The following TMEM131 variants were observed in gnomAD, a reference collection of about 807,000 sequenced individuals.
TMEM131 encodes transmembrane protein 131, also known as 2610524E03Rik.
In TMEM131, 66 loss-of-function variants were observed where a neutral mutation model predicts 211.6. That is an observed-to-expected ratio of 0.31 (90% CI 0.26 to 0.38). TMEM131 has a LOEUF of 0.38. TMEM131 is among the 10% of genes least tolerant of loss of function. TMEM131 has a pLI of 1.00. For missense variants in TMEM131, 2,036 were observed against 2,299.3 expected (o/e 0.89, Z 2.34); for synonymous variants, 844 against 841.3 (o/e 1.00, Z -0.06).
Position 97,805,402 on chromosome 2 carries a change from T to A in TMEM131, c.2258A>T (p.Tyr753Phe). Reference protein sequence around the residue: ...DPGLQCGDHCYVGLPFLSKSE... With the variant: ...DPGLQCGDHCFVGLPFLSKSE... The stretch of plus-strand genomic sequence containing the variant: ...TTTGGATAGAAAAGGCAAGCCAACA[T>A]AGCAATGATCCCCACACTGTAGTCC... The change falls in exon 21 of 41, where the codon TAT becomes TTT. Residue 753 changes from tyrosine (Y) to phenylalanine (F), a missense_variant. Coordinates refer to ENST00000186436, the MANE Select transcript of TMEM131 (RefSeq NM_015348.2). 6.2e-7 allele frequency: 1 copy of A among 1,613,766 alleles called. No individual in the cohort carries two copies. Among genetic ancestry groups the A allele is most frequent in the Non-Finnish European group, 8.5e-7 (1 of 1,179,776 alleles).
intron 1 of TMEM131, among the ~76,000 whole-genome samples, chr2:97,931,803 T>C (rs1677230938): frequency 6.6e-6 from 1 of 152,166 alleles, no homozygotes; most frequent in African/African-American, 2.4e-5. Flanking sequence ...CAAAGCTGTG[T>C]TACAGAGTCA....
intron 33 of TMEM131, among the ~76,000 whole-genome samples, chr2:97,772,044 A>C (rs1679492075): frequency 6.6e-6 from 1 of 152,222 alleles, no homozygotes; most frequent in African/African-American, 2.4e-5. Flanking sequence ...TTTTCCTCCT[A>C]AATTTTTATA....
intron 2 of TMEM131, among the ~76,000 whole-genome samples, chr2:97,917,673 A>C (rs1448278998): frequency 6.6e-6 from 1 of 152,230 alleles, no homozygotes; most frequent in African/African-American, 2.4e-5. Flanking sequence ...AGCAGCAAGA[A>C]GTGCTGAGCA....
chr2:97,924,028 C>T (rs934209143), intron 2 of TMEM131, among the ~76,000 whole-genome samples: 1 of 151,384 alleles, frequency 6.6e-6, no homozygotes, highest in African/African-American at 2.4e-5. Context: ...TGCAGTGAGC[C>T]GAGACTGCGC....
At chr2:97,901,900 T>C (rs72942876) in intron 3 of TMEM131, among the ~76,000 whole-genome samples, 3,772 of 152,236 alleles carry the variant, frequency 0.025, 166 homozygotes, top group African/African-American at 0.087. Flanking sequence ...AGAGTGACTA[T>C]AGTTAGCAAC....
intron 4 of TMEM131, among the ~76,000 whole-genome samples, chr2:97,882,210 G>C (rs1275405314): frequency 6.6e-6 from 1 of 152,074 alleles, no homozygotes; most frequent in East Asian, 1.9e-4. Context: ...AACTTGACTT[G>C]AACTAAAGTC....
chr2:97,758,223 AACCT>A (rs1294037915), intron 40 of TMEM131, among the ~76,000 whole-genome samples: 1 of 152,236 alleles, frequency 6.6e-6, no homozygotes, highest in African/African-American at 2.4e-5. Flanking sequence ...ACATGAAGAC[AACCT>A]TTGGAATCTG....
intron 24 of TMEM131, 86 bp downstream of exon 24, chr2:97,802,342 T>G: frequency 1.2e-4 from 116 of 978,630 alleles, no homozygotes; most frequent in Middle Eastern, 2.6e-4. Context: ...TTAATCTGTA[T>G]GAGCTGCAAA....
At chr2:97,884,653 T>A (rs1335631882) in intron 4 of TMEM131, among the ~76,000 whole-genome samples, 1 of 152,226 alleles carries the variant, frequency 6.6e-6, no homozygotes, top group Non-Finnish European at 1.5e-5. Context: ...GCTTAACTGA[T>A]CCCTTTATCT....
At chr2:97,774,975 C>T (rs1228725446) in intron 32 of TMEM131, among the ~76,000 whole-genome samples, 3 of 152,116 alleles carry the variant, frequency 2.0e-5, no homozygotes, top group Non-Finnish European at 4.4e-5. Flanking sequence ...CATTTTAATG[C>T]ATGTGAATGA....
At chr2:97,885,296 A>G (rs1434412580) in intron 4 of TMEM131, among the ~76,000 whole-genome samples, 1 of 78,712 alleles carries the variant, frequency 1.3e-5, no homozygotes, top group Non-Finnish European at 2.8e-5. Flanking sequence ...TTCCCGGTCC[A>G]TTCTCCTGCC....
At chr2:97,963,621 A>G (rs1678915634) in intron 1 of TMEM131, among the ~76,000 whole-genome samples, 1 of 152,200 alleles carries the variant, frequency 6.6e-6, no homozygotes, top group South Asian at 2.1e-4. Flanking sequence ...AGGCTGAGGC[A>G]GGAGAACCGC....
chr2:97,772,830 G>A (rs1286844551), intron 32 of TMEM131, among the ~76,000 whole-genome samples: 1 of 152,266 alleles, frequency 6.6e-6, no homozygotes, highest in African/African-American at 2.4e-5. Context: ...TGGGGAGGCA[G>A]GGGTTGCAGT....
intron 2 of TMEM131, among the ~76,000 whole-genome samples, chr2:97,912,521 A>G (rs1656323833): frequency 6.6e-6 from 1 of 152,168 alleles, no homozygotes. Flanking sequence ...CACTCCTACA[A>G]TGTTTCAAAG....
intron 11 of TMEM131, among the ~76,000 whole-genome samples, chr2:97,821,640 G>C (rs868380868): frequency 6.6e-6 from 1 of 152,168 alleles, no homozygotes; most frequent in African/African-American, 2.4e-5. Flanking sequence ...GACCCACATG[G>C]GATACATTTT....
intron 36 of TMEM131, chr2:97,761,379 G>C (rs1678839521): frequency 6.1e-6 from 1 of 163,730 alleles, no homozygotes; most frequent in African/African-American, 2.4e-5. Flanking sequence ...CAACGGCGGG[G>C]AGGACCTGAC....
At chr2:97,840,519 G>A (rs1683148681) in intron 7 of TMEM131, among the ~76,000 whole-genome samples, 1 of 152,214 alleles carries the variant, frequency 6.6e-6, no homozygotes, top group Non-Finnish European at 1.5e-5. Context: ...GAGGCCAGGA[G>A]TTCAAGGCTG....
At chr2:97,942,694 A>G (rs1353717682) in intron 1 of TMEM131, among the ~76,000 whole-genome samples, 3 of 152,130 alleles carry the variant, frequency 2.0e-5, no homozygotes, top group African/African-American at 7.2e-5. Flanking sequence ...GAAAATCTTA[A>G]CAAACCTAAT....
At chr2:97,833,804 T>C (rs1682819052) in intron 10 of TMEM131, among the ~76,000 whole-genome samples, 1 of 152,070 alleles carries the variant, frequency 6.6e-6, no homozygotes, top group South Asian at 2.1e-4. Flanking sequence ...ATTACAGGCA[T>C]GTACCACCAT....
Sources: allele counts gnomAD v4.1 joint callset (sites outside exome capture counted in the v4.1 genomes callset), GRCh38; gene constraint gnomAD v4.1.1; transcripts MANE v1.5; gene names NCBI Gene and HGNC (gene_info 2026-07-23, HGNC 2026-07-21).